The following ACADM variants were observed in gnomAD, a reference collection of about 807,000 sequenced individuals.
The protein encoded by ACADM is medium-chain specific acyl-CoA dehydrogenase, mitochondrial.
Under a neutral mutation model 58.9 loss-of-function variants are expected in ACADM, and 49 were observed. The observed-to-expected ratio is 0.83, with a 90% CI of 0.66 to 1.06. The LOEUF is 1.06. ACADM is among the 50% of genes least tolerant of loss of function. The probability of loss-of-function intolerance (pLI) is 0.00; values close to 1 mark genes in which losing one functional copy is unlikely to be tolerated. For synonymous variants in ACADM, 160 were observed against 157.7 expected, an observed-to-expected ratio of 1.01 and a Z score of -0.11; for missense variants, 496 against 507.0, an observed-to-expected ratio of 0.98 and a Z score of 0.21.
At position 75,759,960 on chromosome 1, in the gene ACADM, C is replaced by T. The variant is rs369476663; in HGVS notation, c.946-1162C>T. On this transcript the variant is annotated intron_variant, in intron 10 of 11. Transcript: ENST00000370841. ...ACAGGTGTAAGCCACTGTGCCCAGC[C>T]AGCAATTTCTTCTAGAAAGTCCCAG... Among the ~76,000 whole-genome samples the T allele has an allele frequency of 4.0e-5, 6 of 151,834 alleles. No homozygotes were observed. In the East Asian group the frequency reaches 5.9e-4, roughly 15 times the overall value.
At chr1:75,736,611 G>C (rs973771736) in intron 6 of ACADM, among the ~76,000 whole-genome samples, 8 of 152,138 alleles carry the variant, frequency 5.3e-5, no homozygotes, top group African/African-American at 1.7e-4. Flanking sequence ...AAAATTTTTG[G>C]TTGCCAAGTC....
Position 75,728,266 on chromosome 1 carries a change from AT to A in ACADM, c.31-132del, listed in dbSNP as rs1287565179. ...GCTTATTTAAATTATGATTGAAGGCATTTAAATAGTGATGACTTTAAAAACT... is the reference window on the plus strand; with the variant it reads ...GCTTATTTAAATTATGATTGAAGGCATTAAATAGTGATGACTTTAAAAACT... On this transcript the variant is annotated intron_variant, in intron 1 of 11. Coordinates refer to ENST00000370841, the MANE Select transcript of ACADM (RefSeq NM_000016.6). 4.9e-6 allele frequency: 3 copies of A among 607,128 alleles called. No individual in the cohort carries two copies. In the African/African-American group the frequency reaches 5.6e-5, roughly 11 times the overall value. 37.6% of individuals were successfully genotyped at this position (607,128 alleles called of 1,614,324 possible).
intron 10 of ACADM, chr1:75,750,780 G>C (rs1648157061): frequency 3.9e-6 from 2 of 512,262 alleles, no homozygotes; most frequent in Admixed American, 6.7e-5. Context: ...ATGGAGTCTC[G>C]CTCTGTTGCT....
intron 10 of ACADM, among the ~76,000 whole-genome samples, chr1:75,751,414 T>C (rs1166296393): frequency 6.6e-6 from 1 of 151,836 alleles, no homozygotes; most frequent in Non-Finnish European, 1.5e-5. Context: ...CTTTTAAGGA[T>C]CAAGAAACTG....
intron 9 of ACADM, among the ~76,000 whole-genome samples, chr1:75,749,991 G>C (rs1057071235): frequency 6.6e-6 from 1 of 151,998 alleles, no homozygotes; most frequent in Non-Finnish European, 1.5e-5. Flanking sequence ...GATTACAGGC[G>C]TGAGCCACCG....
intron 10 of ACADM, among the ~76,000 whole-genome samples, chr1:75,751,351 T>A (rs1457881083): frequency 1.3e-5 from 2 of 151,286 alleles, no homozygotes; most frequent in Non-Finnish European, 2.9e-5. Flanking sequence ...AAAAAGAAAA[T>A]ATATATATAT....
intron 1 of ACADM, among the ~76,000 whole-genome samples, chr1:75,728,187 A>G (rs1647085740): frequency 6.6e-6 from 1 of 152,114 alleles, no homozygotes; most frequent in South Asian, 2.1e-4. Context: ...CTTTATTTTC[A>G]TTACTTTTTA....
At chr1:75,736,173 T>TACATACACAC (rs1553123386) in intron 6 of ACADM, among the ~76,000 whole-genome samples, 5 of 144,444 alleles carry the variant, frequency 3.5e-5, no homozygotes, top group Non-Finnish European at 7.5e-5. Flanking sequence ...CACACAGACA[T>TACATACACAC]ACACACACAC....
intron 7 of ACADM, among the ~76,000 whole-genome samples, chr1:75,742,901 T>C (rs1225523348): frequency 5.5e-5 from 8 of 145,892 alleles, no homozygotes; most frequent in Admixed American, 2.1e-4. Flanking sequence ...GAAGGTGCCA[T>C]TGAAGAAGGA....
At position 75,763,585 on chromosome 1, in the gene ACADM, T is replaced by G. The variant is rs1172050162; in HGVS notation, c.*822T>G. ...TTTACTATGATGAAAAAAGGTCGTTTTAATTTTGAATTGAATAAAGTTACC... is the reference window on the plus strand; with the variant it reads ...TTTACTATGATGAAAAAAGGTCGTTGTAATTTTGAATTGAATAAAGTTACC... On this transcript the variant is annotated 3_prime_UTR_variant, in exon 12 of 12. Coordinates refer to ENST00000370841, the MANE Select transcript of ACADM (RefSeq NM_000016.6). 1 of 152,194 alleles carries G rather than the reference T, an allele frequency of 6.6e-6. No homozygotes were observed. The highest frequency in any genetic ancestry group is 1.5e-5 in the Non-Finnish European group (1 of 68,024). The allele number at this position is 152,194 out of a possible 1,614,324, so 9.4% of individuals were successfully genotyped here.
intron 7 of ACADM, chr1:75,744,359 G>A: frequency 2.5e-6 from 4 of 1,588,842 alleles, no homozygotes; most frequent in Non-Finnish European, 3.5e-6. Flanking sequence ...AGTGTGAAAA[G>A]CGGAGTGCCT....
rs114494552 is a variant in ACADM at position 75,743,284 on chromosome 1, A to G, written c.600-2522A>G. ...GAAAAAAGCTGTGACTGCTGGTTAC[A>G]TAGTGCTCTGCTTCCTTGCTTGAGG... On this transcript the variant is annotated intron_variant, in intron 7 of 11. Transcript: ENST00000370841. 5,004 of 929,244 alleles carry G rather than the reference A, an allele frequency of 5.4e-3. 172 individuals carry two copies. The African/African-American group carries it at 0.067, about 12-fold the overall frequency. 57.6% of individuals were successfully genotyped at this position (929,244 alleles called of 1,614,324 possible). A position where few individuals can be genotyped will look rare whatever the true frequency, so the allele number is the denominator to read the frequency against.
At chr1:75,737,520 G>T (rs1025417101) in intron 6 of ACADM, among the ~76,000 whole-genome samples, 13 of 151,510 alleles carry the variant, frequency 8.6e-5, no homozygotes, top group African/African-American at 2.2e-4. Flanking sequence ...CAAAATTTTG[G>T]TACTTAAAAG....
intron 7 of ACADM, 60 bp from the exon 8 acceptor site, chr1:75,745,746 G>A: frequency 8.8e-7 from 1 of 1,132,068 alleles, no homozygotes; most frequent in Non-Finnish European, 1.3e-6. Flanking sequence ...AACTGAGAGA[G>A]CAATCACCAT....
intron 6 of ACADM, among the ~76,000 whole-genome samples, chr1:75,736,141 T>C (rs2100376143): frequency 6.7e-6 from 1 of 148,262 alleles, no homozygotes; most frequent in East Asian, 2.0e-4. Flanking sequence ...TTAAATTAGA[T>C]TTTTTTAACA....
At chr1:75,747,253 GT>G (rs1300039101) in intron 8 of ACADM, among the ~76,000 whole-genome samples, 2 of 151,276 alleles carry the variant, frequency 1.3e-5, no homozygotes, top group Non-Finnish European at 2.9e-5. Context: ...GCTATTTCTA[GT>G]TTTTTTCTTT....
chr1:75,743,379 G>A, intron 7 of ACADM: 1 of 1,594,902 alleles, frequency 6.3e-7, no homozygotes, highest in Non-Finnish European at 8.6e-7. Flanking sequence ...CTGGTTTTCA[G>A]TTCCTGCATG....
chr1:75,753,219 T>C (rs1187942056), intron 10 of ACADM, among the ~76,000 whole-genome samples: 1 of 152,188 alleles, frequency 6.6e-6, no homozygotes, highest in African/African-American at 2.4e-5. Flanking sequence ...TTACATGCAG[T>C]GATTCTCAGT....
chr1:75,749,608 T>TGTAA, intron 9 of ACADM, 49 bp downstream of exon 9: 5 of 1,480,500 alleles, frequency 3.4e-6, no homozygotes, highest in Non-Finnish European at 4.7e-6. Flanking sequence ...ATTTATTACA[T>TGTAA]TAAATAAGTA....
Sources: gnomAD v4.1 joint callset for allele counts (sites outside exome capture counted in the v4.1 genomes callset) on GRCh38, gnomAD v4.1.1 for gene constraint, MANE v1.5 for transcripts, NCBI Gene and HGNC (gene_info 2026-07-23, HGNC 2026-07-21) for gene names.